The following PRIM2 variants were observed in gnomAD, a reference collection of about 807,000 sequenced individuals.
PRIM2 encodes DNA primase large subunit.
In PRIM2, 39 loss-of-function variants were observed where a neutral mutation model predicts 67.3. The ratio of observed to expected loss-of-function variants is 0.58; its 90% CI spans 0.45 to 0.76. PRIM2 has a LOEUF of 0.76. PRIM2 is among the 30% of genes least tolerant of loss of function. PRIM2 has a pLI of 0.00. For missense variants in PRIM2, 398 were observed against 598.7 expected, an observed-to-expected ratio of 0.66 and a Z score of 3.50; for synonymous variants, 143 against 198.7, an observed-to-expected ratio of 0.72 and a Z score of 2.36.
At chr6:57,525,630 G>A (rs1774734246) in intron 8 of PRIM2, among the ~76,000 whole-genome samples, 1 of 152,088 alleles carries the variant, frequency 6.6e-6, no homozygotes, top group Non-Finnish European at 1.5e-5. Context: ...TAACATTCTA[G>A]GATCCTGTAG....
the PRIM2 span, among the ~76,000 whole-genome samples, chr6:57,256,228 G>A: frequency 3.3e-5 from 5 of 152,084 alleles, no homozygotes; most frequent in Non-Finnish European, 7.4e-5. Flanking sequence ...ACTTGTTTTT[G>A]GCCAAAGGTG....
At chr6:57,244,212 T>C in the PRIM2 span, among the ~76,000 whole-genome samples, 2 of 152,170 alleles carry the variant, frequency 1.3e-5, no homozygotes, top group Admixed American at 6.5e-5. Context: ...CTAAGCAAGT[T>C]TGAATCCTTT....
the PRIM2 span, among the ~76,000 whole-genome samples, chr6:57,239,496 A>G: frequency 6.6e-6 from 1 of 151,950 alleles, no homozygotes; most frequent in Non-Finnish European, 1.5e-5. Context: ...GCACTTTGGG[A>G]GGCAAAGGGG....
intron 5 of PRIM2, 152 bp downstream of exon 5, chr6:57,326,197 C>CCTG: frequency 1.4e-6 from 1 of 721,940 alleles, no homozygotes; most frequent in Non-Finnish European, 2.1e-6. Flanking sequence ...AACAATATAT[C>CCTG]TTTCCTTCTC....
At position 57,475,022 on chromosome 6, in the gene PRIM2, G is replaced by A. The variant is rs1378425135; in HGVS notation, c.694-32365G>A. Among the ~76,000 whole-genome samples, 193 of 152,230 alleles carry A rather than the reference G, an allele frequency of 1.3e-3. 5 individuals are homozygous for A. The East Asian group carries it at 0.016, about 13-fold the overall frequency. On this transcript the variant is annotated intron_variant, in intron 7 of 13. Coordinates refer to ENST00000615550, the MANE Select transcript of PRIM2 (RefSeq NM_000947.5). ...GCTGCTCTGGGCATCGTTTATTTGC[G>A]TGCAGTGGAATAGGCACTGAGGAAT... is the stretch of plus-strand genomic sequence containing the variant.
intron 9 of PRIM2, among the ~76,000 whole-genome samples, chr6:57,533,909 A>G (rs1774943616): frequency 4.3e-4 from 66 of 152,294 alleles, no homozygotes; most frequent in Non-Finnish European, 1.2e-4. Flanking sequence ...GAGCAATATA[A>G]TGTTAAGTGC....
chr6:57,340,600 A>G (rs202112918), intron 5 of PRIM2, among the ~76,000 whole-genome samples: 1 of 152,122 alleles, frequency 6.6e-6, no homozygotes, highest in Admixed American at 6.5e-5. Context: ...GTAAACTATC[A>G]CAAGAACAAA....
At chr6:57,259,138 T>C in the PRIM2 span, among the ~76,000 whole-genome samples, 1 of 152,168 alleles carries the variant, frequency 6.6e-6, no homozygotes, top group Non-Finnish European at 1.5e-5. Flanking sequence ...GAAAAATTCT[T>C]GAAGGTCACA....
At chr6:57,301,503 A>C in the PRIM2 span, among the ~76,000 whole-genome samples, 1 of 151,782 alleles carries the variant, frequency 6.6e-6, no homozygotes, top group East Asian at 1.9e-4. Flanking sequence ...CAAACAAACA[A>C]ACAAAAGAAT....
At chr6:57,341,198 G>C (rs79714818) in intron 5 of PRIM2, among the ~76,000 whole-genome samples, 1 of 152,088 alleles carries the variant, frequency 6.6e-6, no homozygotes, top group Non-Finnish European at 1.5e-5. Flanking sequence ...TGACTATTTT[G>C]ATTTTTCTAG....
At chr6:57,533,859 C>T (rs1774942126) in intron 9 of PRIM2, among the ~76,000 whole-genome samples, 1 of 152,080 alleles carries the variant, frequency 6.6e-6, no homozygotes, top group Non-Finnish European at 1.5e-5. Flanking sequence ...CCTTCATGGA[C>T]CTTACATGAG....
At chr6:57,369,124 G>A (rs974909980) in intron 5 of PRIM2, among the ~76,000 whole-genome samples, 1 of 152,172 alleles carries the variant, frequency 6.6e-6, no homozygotes, top group Non-Finnish European at 1.5e-5. Flanking sequence ...CCCTCAGTGA[G>A]GGACTCAGTA....
chr6:57,443,632 G>A (rs894157773), intron 7 of PRIM2, among the ~76,000 whole-genome samples: 4 of 152,058 alleles, frequency 2.6e-5, no homozygotes, highest in South Asian at 2.1e-4. Context: ...TTGCTATTGA[G>A]TTGTTTGAGC....
At position 57,320,638 on chromosome 6, in the gene PRIM2, A is replaced by C. The variant is rs1767623481; in HGVS notation, c.258+78A>C. On this transcript the variant is annotated intron_variant, in intron 3 of 13. Transcript: ENST00000615550. ...GAGTGTCACTTGTGGGAAAGATATT[A>C]TATTAGGCACTGGGCTTTTATAAAG... 8 of 884,264 alleles carry C rather than the reference A, an allele frequency of 9.0e-6. No homozygotes were observed. The South Asian group carries it at 1.3e-4, about 14-fold the overall frequency. 54.8% of individuals were successfully genotyped at this position (884,264 alleles called of 1,614,324 possible). A position where few individuals can be genotyped will look rare whatever the true frequency, so the allele number is the denominator to read the frequency against.
At position 57,386,922 on chromosome 6, in the gene PRIM2, G is replaced by C. The variant is rs1441169970; in HGVS notation, c.693+4754G>C. 2.6e-5 allele frequency among the ~76,000 whole-genome samples: 4 copies of C among 152,180 alleles called. No individual in the cohort carries two copies. In the East Asian group the frequency reaches 7.7e-4, roughly 29 times the overall value. ...ATGGTTCTGGGGGAAGTTGTAAATTGATGAGAGTTTTACCCCAGGTGACAA... is the reference window on the plus strand; with the variant it reads ...ATGGTTCTGGGGGAAGTTGTAAATTCATGAGAGTTTTACCCCAGGTGACAA... On this transcript the variant is annotated intron_variant, in intron 7 of 13. Coordinates refer to ENST00000615550, the MANE Select transcript of PRIM2 (RefSeq NM_000947.5).
intron 10 of PRIM2, among the ~76,000 whole-genome samples, chr6:57,583,180 A>T (rs1331709096): frequency 2.3e-4 from 30 of 131,420 alleles, no homozygotes; most frequent in South Asian, 1.0e-3. Context: ...CTTTTTTTTT[A>T]AATTATTATT....
At chr6:57,260,063 G>A in the PRIM2 span, among the ~76,000 whole-genome samples, 1 of 152,138 alleles carries the variant, frequency 6.6e-6, no homozygotes, top group Non-Finnish European at 1.5e-5. Context: ...GTTTCCAAGA[G>A]CATTCCTCAA....
At chr6:57,323,078 T>C (rs1351274924) in intron 3 of PRIM2, among the ~76,000 whole-genome samples, 7 of 144,916 alleles carry the variant, frequency 4.8e-5, no homozygotes, top group Admixed American at 2.0e-4. Flanking sequence ...GCCTCCCTCA[T>C]AGGGTTTTTT....
the PRIM2 span, among the ~76,000 whole-genome samples, chr6:57,304,010 T>A: frequency 6.6e-6 from 1 of 152,168 alleles, no homozygotes. Flanking sequence ...ATGGTTGATA[T>A]TTTTACTTTA....
Sources: allele counts gnomAD v4.1 joint callset (sites outside exome capture counted in the v4.1 genomes callset), GRCh38; gene constraint gnomAD v4.1.1; transcripts MANE v1.5; gene names NCBI Gene and HGNC (gene_info 2026-07-23, HGNC 2026-07-21).